The following RAD51B variants were observed in gnomAD, a reference collection of about 807,000 sequenced individuals.
RAD51B encodes the protein RAD51 paralog B.
Under a neutral mutation model 42.2 loss-of-function variants are expected in RAD51B, and 38 were observed. That is an observed-to-expected ratio of 0.90 (90% confidence interval 0.70 to 1.18). The LOEUF is 1.18. Among genes scored for constraint, RAD51B ranks in the 50% most tolerant of loss-of-function variants. RAD51B has a pLI of 0.00. For missense variants in RAD51B, 373 were observed against 400.7 expected (o/e 0.93, Z 0.59); for synonymous variants, 154 against 145.2 (o/e 1.06, Z -0.43).
intron 8 of RAD51B, among the ~76,000 whole-genome samples, chr14:68,411,122 A>G (rs983999175): frequency 1.3e-5 from 2 of 152,222 alleles, no homozygotes; most frequent in African/African-American, 4.8e-5. Flanking sequence ...TTGAATGGCT[A>G]GATTTACTAG....
At chr14:68,385,642 AATC>A (rs1185559216) in intron 8 of RAD51B, among the ~76,000 whole-genome samples, 1 of 152,220 alleles carries the variant, frequency 6.6e-6, no homozygotes, top group Non-Finnish European at 1.5e-5. Flanking sequence ...AGTTGCTCAT[AATC>A]ATCATTGTCT....
At chr14:68,602,502 ATAGC>A (rs139265723) in intron 10 of RAD51B, among the ~76,000 whole-genome samples, 10 of 137,998 alleles carry the variant, frequency 7.2e-5, no homozygotes, top group African/African-American at 2.0e-4. Context: ...GGATGGATGG[ATAGC>A]TAGATAGATA....
chr14:67,972,781 A>AT (rs1444475943), intron 7 of RAD51B, among the ~76,000 whole-genome samples: 3 of 152,118 alleles, frequency 2.0e-5, no homozygotes, highest in Non-Finnish European at 1.5e-5. Flanking sequence ...AACTATTATC[A>AT]TGTCATGAAT....
intron 7 of RAD51B, among the ~76,000 whole-genome samples, chr14:68,217,101 C>T (rs2079830951): frequency 6.6e-6 from 1 of 152,208 alleles, no homozygotes; most frequent in Admixed American, 6.5e-5. Flanking sequence ...CTTTCACCTT[C>T]CCACTCTAAA....
chr14:68,047,698 C>T (rs557309031), intron 7 of RAD51B, among the ~76,000 whole-genome samples: 11 of 152,160 alleles, frequency 7.2e-5, no homozygotes, highest in Admixed American at 3.3e-4. Context: ...ATTATCTCTT[C>T]TCAGCACTAT....
At chr14:68,304,390 T>G (rs2139702445) in intron 8 of RAD51B, among the ~76,000 whole-genome samples, 1 of 152,296 alleles carries the variant, frequency 6.6e-6, no homozygotes, top group East Asian at 1.9e-4. Context: ...TAACTAGTAA[T>G]TAGTTGGCAT....
At chr14:68,063,461 C>T (rs1028642251) in intron 7 of RAD51B, among the ~76,000 whole-genome samples, 33 of 152,066 alleles carry the variant, frequency 2.2e-4, no homozygotes, top group South Asian at 8.3e-4. Context: ...GGGGGCTGGG[C>T]GCAGTGGCTC....
Position 68,608,180 on chromosome 14 carries a change from C to T in RAD51B, c.1037-2826C>T, listed in dbSNP as rs1364845131. Reference sequence around the variant, plus strand: ...GCTTCCCTGCCCTTCTCTTAGGCCTCCCCAACCCTCTCCAAACACCACATT... The same window carrying T: ...GCTTCCCTGCCCTTCTCTTAGGCCTTCCCAACCCTCTCCAAACACCACATT... On this transcript the variant is annotated intron_variant, in intron 10 of 10. Transcript: ENST00000487861. 5.3e-5 allele frequency among the ~76,000 whole-genome samples: 8 copies of T among 152,226 alleles called. No homozygotes were observed. The East Asian group carries it at 5.8e-4, about 11-fold the overall frequency.
Position 68,435,726 on chromosome 14 carries a change from G to T in RAD51B, c.957+24199G>T, listed in dbSNP as rs530054978. 3.0e-3 allele frequency among the ~76,000 whole-genome samples: 458 copies of T among 152,258 alleles called. 2 individuals are homozygous for T. Among genetic ancestry groups the T allele is most frequent in the African/African-American group, 0.01 (434 of 41,540 alleles). On this transcript the variant is annotated intron_variant, in intron 9 of 10. Coordinates refer to ENST00000471583, the MANE Select transcript of RAD51B (RefSeq NM_133510.4). Reference sequence around the variant, plus strand: ...TTTTAATAAAGCCATTCTGACTGGTGTGAGATGGTATCTCATTGTGGTTTT... The same window carrying T: ...TTTTAATAAAGCCATTCTGACTGGTTTGAGATGGTATCTCATTGTGGTTTT...
At chr14:67,827,850 T>C (rs2040886732) in intron 3 of RAD51B, among the ~76,000 whole-genome samples, 1 of 152,214 alleles carries the variant, frequency 6.6e-6, no homozygotes, top group South Asian at 2.1e-4. Flanking sequence ...CAGTATTCCA[T>C]TGTGTATACG....
At chr14:68,401,358 C>T (rs1248022611) in intron 8 of RAD51B, among the ~76,000 whole-genome samples, 1 of 152,180 alleles carries the variant, frequency 6.6e-6, no homozygotes, top group Non-Finnish European at 1.5e-5. Flanking sequence ...GGTATTTTCT[C>T]CCTGTCCATG....
At chr14:68,318,019 CTCTG>C (rs1329913181) in intron 8 of RAD51B, among the ~76,000 whole-genome samples, 7 of 152,232 alleles carry the variant, frequency 4.6e-5, no homozygotes, top group Non-Finnish European at 8.8e-5. Context: ...ATTAATTTCA[CTCTG>C]TCTGTTATGC....
intron 10 of RAD51B, 41 bp downstream of exon 10, chr14:68,468,291 C>A: frequency 6.5e-7 from 1 of 1,550,198 alleles, no homozygotes; most frequent in South Asian, 1.1e-5. Flanking sequence ...AGCTTATGCT[C>A]AGTGCTGCCC....
chr14:68,282,179 C>T (rs1354380153), intron 7 of RAD51B, among the ~76,000 whole-genome samples: 1 of 152,126 alleles, frequency 6.6e-6, no homozygotes, highest in East Asian at 1.9e-4. Context: ...GACAGGGTTT[C>T]ACCATGTTGG....
chr14:68,459,569 C>G (rs977334617), intron 9 of RAD51B, among the ~76,000 whole-genome samples: 1 of 152,208 alleles, frequency 6.6e-6, no homozygotes, highest in South Asian at 2.1e-4. Flanking sequence ...TGAAAAGCAT[C>G]AGACACATTC....
At chr14:68,655,373 C>T (rs1892791315) in intron 11 of RAD51B, among the ~76,000 whole-genome samples, 1 of 151,836 alleles carries the variant, frequency 6.6e-6, no homozygotes, top group Non-Finnish European at 1.5e-5. Flanking sequence ...TTCAGGAACA[C>T]ATGGTGATGG....
chr14:68,270,662 C>T (rs1378388050), intron 7 of RAD51B, among the ~76,000 whole-genome samples: 1 of 152,198 alleles, frequency 6.6e-6, no homozygotes, highest in Non-Finnish European at 1.5e-5. Context: ...AAGACATCAC[C>T]CAGATTGCCT....
In RAD51B at chr14:68,181,571, C is replaced by A. The variant is rs1469328912; in HGVS notation, c.757-110313C>A. Among the ~76,000 whole-genome samples the A allele has an allele frequency of 2.0e-5, 3 of 152,210 alleles. No individual in the cohort carries two copies. In the East Asian group the frequency reaches 5.8e-4, roughly 29 times the overall value. On this transcript the variant is annotated intron_variant, in intron 7 of 10. Coordinates refer to ENST00000471583, the MANE Select transcript of RAD51B (RefSeq NM_133510.4). ...GGACTTGTTCCTTCTCAGCCTGCCC[C>A]CTCCAGTAGTGAAATTTTAAGCCTG...
chr14:68,262,778 C>T (rs185859590), intron 7 of RAD51B, among the ~76,000 whole-genome samples: 54 of 152,314 alleles, frequency 3.5e-4, no homozygotes, highest in Admixed American at 2.7e-3. Flanking sequence ...TGAAGACACA[C>T]GGACTCAGAG....
Sources: gnomAD v4.1 joint callset for allele counts (sites outside exome capture counted in the v4.1 genomes callset) on GRCh38, gnomAD v4.1.1 for gene constraint, MANE v1.5 for transcripts, NCBI Gene and HGNC (gene_info 2026-07-23, HGNC 2026-07-21) for gene names.